Variants in DPP6 observed in about 807,000 individuals in gnomAD.
DPP6 encodes the protein dipeptidyl peptidase like 6.
A neutral mutation model predicts 122.6 loss-of-function variants in DPP6; 69 were observed. The observed-to-expected ratio is 0.56, with a 90% CI of 0.46 to 0.69. The LOEUF (loss-of-function observed/expected upper bound fraction) is 0.69, where lower values mean the gene tolerates loss of function less well. DPP6 is among the 30% of genes least tolerant of loss of function. DPP6 has a pLI of 0.00. For missense variants in DPP6, 928 were observed against 1,116.9 expected, an observed-to-expected ratio of 0.83 and a Z score of 2.41; for synonymous variants, 418 against 433.1, an observed-to-expected ratio of 0.97 and a Z score of 0.43.
chr7:154,737,702 T>C (rs1001894811), intron 8 of DPP6, among the ~76,000 whole-genome samples: 1 of 152,216 alleles, frequency 6.6e-6, no homozygotes, highest in Non-Finnish European at 1.5e-5. Context: ...ATTTCTTGCC[T>C]ATGAAATTAG....
chr7:154,212,255 G>C (rs1799781009), intron 1 of DPP6, among the ~76,000 whole-genome samples: 1 of 152,136 alleles, frequency 6.6e-6, no homozygotes, highest in African/African-American at 2.4e-5. Context: ...TTTCAGGACA[G>C]TTTCCCCAGG....
In DPP6 at chr7:154,265,936, T is replaced by C. The variant is rs1048790909; in HGVS notation, c.244-180278T>C. Among the ~76,000 whole-genome samples, 4 of 152,158 alleles carry C rather than the reference T, an allele frequency of 2.6e-5. No individual in the cohort carries two copies. The East Asian group carries it at 7.7e-4, about 29-fold the overall frequency. ...GACAATTATCTAAAAATGCAACATG[T>C]ACAACTGCACAGTCTAGAAATAACT... On this transcript the variant is annotated intron_variant, in intron 1 of 25. Transcript: ENST00000377770.
intron 2 of DPP6, among the ~76,000 whole-genome samples, chr7:154,463,026 A>G (rs925327729): frequency 6.6e-6 from 1 of 151,916 alleles, no homozygotes; most frequent in Admixed American, 6.6e-5. Context: ...CAAATATAAG[A>G]TCATATTATC....
chr7:154,701,683 T>A (rs1186645408), intron 7 of DPP6, among the ~76,000 whole-genome samples: 18 of 152,234 alleles, frequency 1.2e-4, no homozygotes, highest in Non-Finnish European at 4.4e-5. Context: ...TTTCTATGGC[T>A]GCCACCTGTG....
At chr7:154,295,182 C>T (rs1011754559) in intron 1 of DPP6, among the ~76,000 whole-genome samples, 3 of 152,182 alleles carry the variant, frequency 2.0e-5, no homozygotes, top group African/African-American at 4.8e-5. Flanking sequence ...TTCAAACTGT[C>T]GCAGGGTTAG....
chr7:154,237,755 C>T (rs1409055438), intron 1 of DPP6, among the ~76,000 whole-genome samples: 2 of 152,214 alleles, frequency 1.3e-5, no homozygotes, highest in African/African-American at 2.4e-5. Flanking sequence ...TTCCTAAATG[C>T]TCAGATACTC....
At chr7:154,060,845 C>A (rs1294283256) in intron 1 of DPP6, among the ~76,000 whole-genome samples, 1 of 133,228 alleles carries the variant, frequency 7.5e-6, no homozygotes, top group Non-Finnish European at 1.6e-5. Flanking sequence ...AGCCCCTGTT[C>A]CCCCACTGGC....
At chr7:154,742,998 C>T (rs1415802074) in intron 8 of DPP6, among the ~76,000 whole-genome samples, 1 of 152,214 alleles carries the variant, frequency 6.6e-6, no homozygotes. Context: ...CATAACGTAC[C>T]ATCCTTTGAT....
At chr7:154,428,229 A>C (rs1352456713) in intron 1 of DPP6, among the ~76,000 whole-genome samples, 2 of 152,188 alleles carry the variant, frequency 1.3e-5, no homozygotes, top group African/African-American at 4.8e-5. Context: ...TTTTTAAAAA[A>C]CCTTGAAAAG....
Position 153,895,789 on chromosome 7 carries a change from A to G in DPP6, c.51+8055A>G, listed in dbSNP as rs950164780. ...AATGTTCATACATCTCAGATGTAAA[A>G]TACTGGCACCATTGTCCAGCATAGC... On this transcript the variant is annotated intron_variant, in intron 1 of 25. Coordinates refer to the DPP6 transcript ENST00000404039. 2.4e-4 allele frequency among the ~76,000 whole-genome samples: 37 copies of G among 152,140 alleles called. 1 individual carries two copies. The highest frequency in any genetic ancestry group is 8.7e-4 in the African/African-American group (36 of 41,428).
At chr7:153,846,983 G>A in the DPP6 span, among the ~76,000 whole-genome samples, 2 of 152,040 alleles carry the variant, frequency 1.3e-5, no homozygotes, top group Admixed American at 1.3e-4. Flanking sequence ...CACCGTGCCT[G>A]GCTGGTTCTT....
At chr7:153,864,569 A>AT in the DPP6 span, among the ~76,000 whole-genome samples, 18 of 151,948 alleles carry the variant, frequency 1.2e-4, no homozygotes, top group East Asian at 1.9e-4. Flanking sequence ...GGCAGGGACA[A>AT]TTGCTTGAAC....
chr7:154,582,337 G>A (rs952995618), intron 5 of DPP6, among the ~76,000 whole-genome samples: 3 of 152,192 alleles, frequency 2.0e-5, no homozygotes, highest in Non-Finnish European at 4.4e-5. Flanking sequence ...AGAACATATA[G>A]GGACAGAAAT....
Position 154,301,004 on chromosome 7 carries a change from G to A in DPP6, c.244-145210G>A, listed in dbSNP as rs750217464. ...GATTAGGACACAGACACACACAGGCGATGTTATATGGTGGTTTAGGGTCTA... is the reference window on the plus strand; with the variant it reads ...GATTAGGACACAGACACACACAGGCAATGTTATATGGTGGTTTAGGGTCTA... On this transcript the variant is annotated intron_variant, in intron 1 of 25. Transcript: ENST00000377770. Among the ~76,000 whole-genome samples the A allele has an allele frequency of 3.3e-5, 5 of 152,154 alleles. No homozygotes were observed. In the East Asian group the frequency reaches 5.8e-4, roughly 18 times the overall value.
intron 6 of DPP6, 128 bp from the exon 7 acceptor site, chr7:154,669,232 A>G: frequency 1.4e-6 from 2 of 1,380,600 alleles, no homozygotes; most frequent in Non-Finnish European, 2.0e-6. Context: ...CACAAGAGAC[A>G]AGCTCTTGAA....
At chr7:154,074,656 G>C (rs1375272744) in intron 1 of DPP6, among the ~76,000 whole-genome samples, 1 of 152,182 alleles carries the variant, frequency 6.6e-6, no homozygotes, top group South Asian at 2.1e-4. Flanking sequence ...ATTGCTGAAA[G>C]AGTCACATAA....
chr7:154,057,085 A>C (rs1483718348), intron 1 of DPP6, among the ~76,000 whole-genome samples: 1 of 152,238 alleles, frequency 6.6e-6, no homozygotes, highest in Non-Finnish European at 1.5e-5. Context: ...TGGCCCCTAC[A>C]AAGTGGGAGC....
the DPP6 span, among the ~76,000 whole-genome samples, chr7:153,794,174 T>G: frequency 6.6e-6 from 1 of 152,140 alleles, no homozygotes; most frequent in East Asian, 1.9e-4. Context: ...CCTAGAATGG[T>G]AGATCCACCA....
rs1804996981 is a variant in DPP6, at chr7:154,877,565, GTCTCA to G, written c.2078+1468_2078+1472del. Among the ~76,000 whole-genome samples, 1 of 152,172 alleles carries G rather than the reference GTCTCA, an allele frequency of 6.6e-6. No individual in the cohort carries two copies. Among genetic ancestry groups the G allele is most frequent in the Non-Finnish European group, 1.5e-5 (1 of 68,036 alleles). On this transcript the variant is annotated intron_variant, in intron 20 of 25. Coordinates refer to ENST00000377770, the MANE Select transcript of DPP6 (RefSeq NM_130797.4). The surrounding 1 kb of genome is among the most constrained non-coding windows in gnomAD (Gnocchi z 5.2). ...TCTCTCCGCCCAGCCAGCCATGATG[GTCTCA>G]TCCTAAGCCGAGCCCTCAGTCACGG...
Sources: gnomAD v4.1 joint callset for allele counts (sites outside exome capture counted in the v4.1 genomes callset) on GRCh38, gnomAD v4.1.1 for gene constraint, Gnocchi (gnomAD v3.1) non-coding constraint, MANE v1.5 for transcripts, NCBI Gene and HGNC (gene_info 2026-07-23, HGNC 2026-07-21) for gene names.